Variants in FREM1 observed in about 807,000 individuals in gnomAD.
FREM1 encodes FRAS1-related extracellular matrix protein 1.
FREM1 carries 220 observed loss-of-function variants against 210.1 expected under a neutral mutation model. That is an observed-to-expected ratio of 1.05 (90% confidence interval 0.94 to 1.17). The LOEUF (loss-of-function observed/expected upper bound fraction) is 1.17, where lower values mean the gene tolerates loss of function less well. Among genes scored for constraint, FREM1 ranks in the 50% most tolerant of loss-of-function variants. The probability of loss-of-function intolerance (pLI) is 0.00; values close to 1 mark genes in which losing one functional copy is unlikely to be tolerated. For missense variants in FREM1, 3,454 were observed against 2,675.5 expected (o/e 1.29, Z -6.42); for synonymous variants, 1,189 against 980.2 (o/e 1.21, Z -3.98).
At chr9:14,762,064 A>T (rs1159480282) in intron 27 of FREM1, among the ~76,000 whole-genome samples, 1 of 152,214 alleles carries the variant, frequency 6.6e-6, no homozygotes, top group African/African-American at 2.4e-5. Flanking sequence ...GTCTTAGAAC[A>T]TATCTCCCAC....
intron 21 of FREM1, among the ~76,000 whole-genome samples, chr9:14,793,093 A>C (rs906375014): frequency 6.6e-6 from 1 of 152,220 alleles, no homozygotes; most frequent in Non-Finnish European, 1.5e-5. Flanking sequence ...GTCAGCCCTA[A>C]TGAATGTGGG....
chr9:14,784,753 G>A (rs1021602237), intron 23 of FREM1, 119 bp from the exon 24 acceptor site: 2 of 601,740 alleles, frequency 3.3e-6, no homozygotes, highest in African/African-American at 1.9e-5. Context: ...GACATAGAAA[G>A]GTTTATATAA....
intron 1 of FREM1, among the ~76,000 whole-genome samples, chr9:14,894,389 G>A (rs1837344553): frequency 6.6e-6 from 1 of 152,182 alleles, no homozygotes; most frequent in African/African-American, 2.4e-5. Flanking sequence ...ACTGACAATT[G>A]TTGTCTTGTT....
chr9:14,863,656 C>A (rs1358984855), intron 3 of FREM1, among the ~76,000 whole-genome samples, 153 bp downstream of exon 3: 7 of 152,148 alleles, frequency 4.6e-5, no homozygotes, highest in Non-Finnish European at 1.0e-4. Context: ...CAAATCTTGC[C>A]TGATCCACTC....
intron 3 of FREM1, among the ~76,000 whole-genome samples, chr9:14,861,941 T>G (rs1296129456): frequency 1.3e-5 from 2 of 152,236 alleles, no homozygotes; most frequent in African/African-American, 4.8e-5. Context: ...AACTACTGTT[T>G]GTACTCATTA....
intron 20 of FREM1, 133 bp downstream of exon 20, chr9:14,801,519 C>T: frequency 1.5e-6 from 1 of 656,774 alleles, no homozygotes; most frequent in Non-Finnish European, 2.6e-6. Flanking sequence ...CCAATCCTCC[C>T]ACCCTCAGCC....
intron 35 of FREM1, among the ~76,000 whole-genome samples, chr9:14,740,911 A>C (rs1000244796): frequency 6.6e-6 from 1 of 152,162 alleles, no homozygotes; most frequent in Admixed American, 6.5e-5. Flanking sequence ...CTAATTCCCC[A>C]GCAGTGCTCA....
chr9:14,900,460 C>G lies in FREM1; in HGVS notation c.-268+9454G>C, dbSNP rs1234623706. On this transcript the variant is annotated intron_variant, in intron 1 of 36. Transcript: ENST00000380880. ...TGGCATGTCTAAAACAACCCTCAGA[C>G]TCAGTAAGTCTCTTAGTCAGGGTGG... Among the ~76,000 whole-genome samples, 5 of 152,176 alleles carry G rather than the reference C, an allele frequency of 3.3e-5. No individual in the cohort carries two copies. In the East Asian group the frequency reaches 9.6e-4, roughly 29 times the overall value.
intron 13 of FREM1, among the ~76,000 whole-genome samples, chr9:14,819,667 C>A (rs777524992): frequency 6.6e-6 from 1 of 152,194 alleles, no homozygotes; most frequent in Non-Finnish European, 1.5e-5. Context: ...CAAGGCAGAT[C>A]TCTAAGATTG....
chr9:14,847,569 G>A (rs1407603440), intron 7 of FREM1, among the ~76,000 whole-genome samples: 3 of 151,990 alleles, frequency 2.0e-5, no homozygotes, highest in East Asian at 3.9e-4. Context: ...CACAGCAGAG[G>A]AACAATCGAG....
chr9:14,860,865 A>G lies in FREM1; in HGVS notation c.330-1381T>C, dbSNP rs1485009984. 7.6e-4 allele frequency among the ~76,000 whole-genome samples: 40 copies of G among 52,504 alleles called. 8 individuals carry two copies. The highest frequency in any genetic ancestry group is 1.6e-3 in the African/African-American group (9 of 5,578). The allele number at this position is 52,504 out of a possible 152,430, so 34.4% of individuals were successfully genotyped here. On this transcript the variant is annotated intron_variant, in intron 3 of 36. Coordinates refer to ENST00000380880, the MANE Select transcript of FREM1 (RefSeq NM_001379081.2). ...TATACATATATACGTATATATACAC[A>G]TATATATACGTATATATACACATAT...
intron 23 of FREM1, among the ~76,000 whole-genome samples, chr9:14,786,418 A>T (rs972723290): frequency 2.6e-4 from 40 of 152,346 alleles, no homozygotes; most frequent in African/African-American, 8.9e-4. Context: ...TGGCCAAAAA[A>T]ATTTTTTTAA....
At chr9:14,748,839 T>C (rs1209911523) in intron 30 of FREM1, among the ~76,000 whole-genome samples, 200 bp from the exon 31 acceptor site, 1 of 152,182 alleles carries the variant, frequency 6.6e-6, no homozygotes, top group East Asian at 1.9e-4. Flanking sequence ...CGTCTGCACA[T>C]CTATTGAGTG....
chr9:14,745,116 T>C (rs1842187648), intron 35 of FREM1, among the ~76,000 whole-genome samples: 1 of 151,700 alleles, frequency 6.6e-6, no homozygotes, highest in Admixed American at 6.6e-5. Context: ...TCTATTGGAG[T>C]TTGGAAAGTG....
intron 27 of FREM1, among the ~76,000 whole-genome samples, chr9:14,767,003 G>A (rs763503468): frequency 3.3e-5 from 5 of 152,274 alleles, no homozygotes; most frequent in Middle Eastern, 3.4e-3. Context: ...CATTTGTTAA[G>A]GAGTTTAAAT....
rs146461801 is a variant in FREM1, at chr9:14,881,136, C to G, written c.-267-11892G>C. ...GGCATATGTATGTTGTCCTGGAATT[C>G]TCTTCTCCTGCCGCCCACTCAGCCA... is the stretch of plus-strand genomic sequence containing the variant. On this transcript the variant is annotated intron_variant, in intron 1 of 36. Coordinates refer to ENST00000380880, the MANE Select transcript of FREM1 (RefSeq NM_001379081.2). 4.0e-3 allele frequency among the ~76,000 whole-genome samples: 609 copies of G among 152,336 alleles called. 4 individuals carry two copies. The highest frequency in any genetic ancestry group is 0.014 in the African/African-American group (575 of 41,584).
intron 18 of FREM1, 29 bp downstream of exon 18, chr9:14,806,632 T>A (rs1171909014): frequency 7.9e-7 from 1 of 1,271,472 alleles, no homozygotes; most frequent in Admixed American, 1.9e-5. Flanking sequence ...AGGAAGGGAG[T>A]CATTGCTGGT....
At chr9:14,865,429 C>G (rs1432488566) in intron 2 of FREM1, among the ~76,000 whole-genome samples, 3 of 152,172 alleles carry the variant, frequency 2.0e-5, no homozygotes, top group African/African-American at 7.2e-5. Flanking sequence ...AACTGAAATC[C>G]CTTTCCAAAT....
intron 1 of FREM1, among the ~76,000 whole-genome samples, chr9:14,907,366 T>A (rs1315978739): frequency 6.6e-6 from 1 of 152,196 alleles, no homozygotes; most frequent in East Asian, 1.9e-4. Flanking sequence ...GGTTTTGCTT[T>A]GTTTTTTGTT....
Sources: allele counts gnomAD v4.1 joint callset (sites outside exome capture counted in the v4.1 genomes callset), GRCh38; gene constraint gnomAD v4.1.1; transcripts MANE v1.5; gene names NCBI Gene and HGNC (gene_info 2026-07-23, HGNC 2026-07-21).